IRGM: variants seen among roughly 807,000 people sequenced by gnomAD.
The protein encoded by IRGM is immunity related GTPase M.
For missense variants in IRGM, 288 were observed against 219.9 expected, an observed-to-expected ratio of 1.31 and a Z score of -1.96; for synonymous variants, 98 against 80.6, an observed-to-expected ratio of 1.22 and a Z score of -1.16.
chr5:150,885,254 A>G (rs1256908103), intron 3 of IRGM, among the ~76,000 whole-genome samples: 1 of 151,950 alleles, frequency 6.6e-6, no homozygotes, highest in African/African-American at 2.4e-5. Flanking sequence ...GGAGCTCTCT[A>G]TCCTGTTCCA....
intron 3 of IRGM, among the ~76,000 whole-genome samples, chr5:150,900,425 T>C (rs1438076619): frequency 6.6e-6 from 1 of 152,096 alleles, no homozygotes; most frequent in African/African-American, 2.4e-5. Context: ...TTTAAGCCTA[T>C]TACCTACTTC....
At chr5:150,865,521 T>C (rs1754195425) in intron 1 of IRGM, among the ~76,000 whole-genome samples, 1 of 152,120 alleles carries the variant, frequency 6.6e-6, no homozygotes, top group African/African-American at 2.4e-5. Flanking sequence ...AGGATGAAAA[T>C]ACATATACAT....
chr5:150,885,156 C>T (rs1754499689), intron 3 of IRGM, among the ~76,000 whole-genome samples: 1 of 152,088 alleles, frequency 6.6e-6, no homozygotes, highest in African/African-American at 2.4e-5. Context: ...ATTAACCCAG[C>T]ACCATTTATT....
chr5:150,851,478 C>G (rs188526828), downstream of IRGM, among the ~76,000 whole-genome samples: 29 of 152,200 alleles, frequency 1.9e-4, no homozygotes, highest in East Asian at 5.4e-3. Context: ...CGACGGCAGG[C>G]CAGGTGTGGG....
At chr5:150,849,429 C>A (rs1258502658), downstream of IRGM, among the ~76,000 whole-genome samples, 2 of 151,946 alleles carry the variant, frequency 1.3e-5, no homozygotes, top group Non-Finnish European at 2.9e-5. Flanking sequence ...ACACTCAATC[C>A]AAAGGAAGGC....
chr5:150,867,458 T>C (rs939010027), intron 1 of IRGM, among the ~76,000 whole-genome samples: 2 of 152,310 alleles, frequency 1.3e-5, no homozygotes, highest in African/African-American at 4.8e-5. Flanking sequence ...CAAGTGTCTT[T>C]TTTGTATAAT....
intron 3 of IRGM, among the ~76,000 whole-genome samples, chr5:150,887,564 A>G (rs895028846): frequency 4.6e-5 from 7 of 151,542 alleles, no homozygotes; most frequent in East Asian, 2.0e-4. Context: ...GAGGCCAACA[A>G]TTAAATTCAG....
At chr5:150,881,588 C>T (rs150806174) in intron 3 of IRGM, among the ~76,000 whole-genome samples, 3 of 152,228 alleles carry the variant, frequency 2.0e-5, no homozygotes, top group East Asian at 3.9e-4. Context: ...TGCCCTAATA[C>T]TATCATGGTG....
At chr5:150,862,216 C>G (rs1754146544) in intron 1 of IRGM, among the ~76,000 whole-genome samples, 1 of 152,174 alleles carries the variant, frequency 6.6e-6, no homozygotes, top group East Asian at 1.9e-4. Context: ...GTGTAGCTCT[C>G]AACATAACAG....
intron 1 of IRGM, among the ~76,000 whole-genome samples, chr5:150,858,594 T>C (rs1754091536): frequency 1.3e-5 from 2 of 152,168 alleles, no homozygotes; most frequent in African/African-American, 4.8e-5. Context: ...TATCCTCTTT[T>C]ATTTCCTTGA....
downstream of IRGM, among the ~76,000 whole-genome samples, chr5:150,850,239 A>C (rs11949556): frequency 0.28 from 41,964 of 152,094 alleles, 8,838 homozygotes; most frequent in East Asian, 0.61. Flanking sequence ...TTAAAAAAAT[A>C]TGTATGGCAG....
intron 3 of IRGM, chr5:150,895,277 G>A (rs1177620694): frequency 3.7e-6 from 2 of 542,258 alleles, no homozygotes; most frequent in African/African-American, 3.8e-5. Flanking sequence ...ATCTTTGCTG[G>A]AAAAGTTAGG....
chr5:150,883,011 ATT>A (rs746018890), intron 3 of IRGM, among the ~76,000 whole-genome samples: 1 of 152,180 alleles, frequency 6.6e-6, no homozygotes, highest in Non-Finnish European at 1.5e-5. Context: ...AATTATTTCA[ATT>A]ATCTTTTCCA....
At chr5:150,896,423 A>G in intron 3 of IRGM, 1 of 1,613,694 alleles carries the variant, frequency 6.2e-7, no homozygotes, top group Non-Finnish European at 8.5e-7. Context: ...TTCCACATGT[A>G]ACACATACAC....
chr5:150,854,841 C>T (rs557558268), intron 1 of IRGM, among the ~76,000 whole-genome samples: 1 of 152,070 alleles, frequency 6.6e-6, no homozygotes, highest in Non-Finnish European at 1.5e-5. Context: ...TTTCCTCAAA[C>T]TTGGGAAGCT....
intron 3 of IRGM, chr5:150,894,615 TAG>T (rs1221359770): frequency 6.6e-6 from 1 of 152,230 alleles, no homozygotes; most frequent in Non-Finnish European, 1.5e-5. Flanking sequence ...TGCTTCAAGA[TAG>T]AGAGTAAAGA....
downstream of IRGM, among the ~76,000 whole-genome samples, chr5:150,853,532 T>C (rs1033817241): frequency 1.3e-5 from 2 of 152,118 alleles, no homozygotes; most frequent in African/African-American, 4.8e-5. Flanking sequence ...GACCTGTCTA[T>C]TTGTTCTCTC....
At chr5:150,847,499 CGGA>C (rs1315728935) in intron 1 of IRGM, 1 of 152,592 alleles carries the variant, frequency 6.6e-6, no homozygotes, top group Non-Finnish European at 1.5e-5. Flanking sequence ...GAGGCTGACT[CGGA>C]GGCACAACCG....
At chr5:150,862,991 AAAG>A (rs1384466539) in intron 1 of IRGM, among the ~76,000 whole-genome samples, 4 of 152,252 alleles carry the variant, frequency 2.6e-5, no homozygotes. Context: ...AAGAAGAAAG[AAAG>A]AAGAATTTAT....
Sources: gnomAD v4.1 joint callset for allele counts (sites outside exome capture counted in the v4.1 genomes callset) on GRCh38, gnomAD v4.1.1 for gene constraint, MANE v1.5 for transcripts, NCBI Gene and HGNC (gene_info 2026-07-23, HGNC 2026-07-21) for gene names.